Variants in METTL16 observed in about 807,000 individuals in gnomAD.
METTL16 encodes RNA N(6)-adenosine-methyltransferase METTL16.
METTL16 carries 19 observed loss-of-function variants against 57.9 expected under a neutral mutation model. The observed-to-expected ratio is 0.33, with a 90% CI of 0.23 to 0.48. The LOEUF (loss-of-function observed/expected upper bound fraction) is 0.48. METTL16 is among the 20% of genes least tolerant of loss of function. The pLI is 0.99. For synonymous variants in METTL16, 246 were observed against 255.6 expected (o/e 0.96, Z 0.36); for missense variants, 434 against 691.5 (o/e 0.63, Z 4.18).
At chr17:2,498,671 G>A (rs1230841113) in intron 2 of METTL16, among the ~76,000 whole-genome samples, 3 of 151,036 alleles carry the variant, frequency 2.0e-5, no homozygotes, top group Non-Finnish European at 4.4e-5. Context: ...CCCAGGAGGC[G>A]GAGGTTGCAG....
At chr17:2,451,634 AG>A in intron 6 of METTL16, among the ~76,000 whole-genome samples, 1 of 151,176 alleles carries the variant, frequency 6.6e-6, no homozygotes, top group East Asian at 2.1e-4. Context: ...AAAAAAAAAA[AG>A]AAAAGAAAAG....
intron 8 of METTL16, among the ~76,000 whole-genome samples, chr17:2,430,209 G>T (rs1483452938): frequency 6.7e-6 from 1 of 148,508 alleles, no homozygotes; most frequent in East Asian, 2.0e-4. Flanking sequence ...AACTACTGGG[G>T]TCAAGCGATC....
At chr17:2,487,840 C>T (rs2067354978) in intron 2 of METTL16, among the ~76,000 whole-genome samples, 1 of 150,854 alleles carries the variant, frequency 6.6e-6, no homozygotes, top group Non-Finnish European at 1.5e-5. Flanking sequence ...CCTGTCTCTA[C>T]AAAAAAAAAT....
Position 2,419,706 on chromosome 17 carries a change from C to T in METTL16, c.*264G>A. The T allele has an allele frequency of 1.6e-6, 1 of 633,178 alleles. No individual in the cohort carries two copies. The highest frequency in any genetic ancestry group is 2.9e-6 in the Non-Finnish European group (1 of 341,592). 39.2% of individuals were successfully genotyped at this position (633,178 alleles called of 1,614,324 possible). On this transcript the variant is annotated 3_prime_UTR_variant, in exon 10 of 10. Coordinates refer to ENST00000263092, the MANE Select transcript of METTL16 (RefSeq NM_024086.4). The stretch of plus-strand genomic sequence containing the variant: ...TGAGGGGCCAGCTTGAGCCAGCTTG[C>T]AATCCCTCGGGAGTTTACTGAGGGC...
At chr17:2,448,781 TAAA>T (rs1369462081) in intron 6 of METTL16, among the ~76,000 whole-genome samples, 87 of 33,678 alleles carry the variant, frequency 2.6e-3, no homozygotes, top group African/African-American at 8.1e-3. Flanking sequence ...AATAAAAAAA[TAAA>T]AAAATAAAAA....
chr17:2,503,481 C>T (rs1329456135), intron 1 of METTL16, among the ~76,000 whole-genome samples: 1 of 151,324 alleles, frequency 6.6e-6, no homozygotes, highest in East Asian at 1.9e-4. Context: ...TATGGGTCAA[C>T]AAAATACGGT....
intron 8 of METTL16, among the ~76,000 whole-genome samples, chr17:2,433,971 A>T (rs1280529659): frequency 6.6e-6 from 1 of 152,202 alleles, no homozygotes; most frequent in African/African-American, 2.4e-5. Context: ...TCTGCTGCAG[A>T]TCGGGATCAA....
rs559997928 is a variant in METTL16 at position 2,419,818 on chromosome 17, G to A, written c.*152C>T. On this transcript the variant is annotated 3_prime_UTR_variant, in exon 10 of 10. Transcript: ENST00000263092. ...AACTCAAAAAGCGGGAAGGAGGCGG[G>A]GGGAGGTGGGGGACAGATTCATAGG... The A allele has an allele frequency of 3.3e-6, 3 of 900,134 alleles. No homozygotes were observed. Among genetic ancestry groups the A allele is most frequent in the South Asian group, 2.9e-5 (2 of 67,980 alleles). The allele number at this position is 900,134 out of a possible 1,614,324, so 55.8% of individuals were successfully genotyped here.
At chr17:2,445,631 CAA>C (rs1414280499) in intron 6 of METTL16, among the ~76,000 whole-genome samples, 1 of 151,686 alleles carries the variant, frequency 6.6e-6, no homozygotes, top group Non-Finnish European at 1.5e-5. Flanking sequence ...ACTGAAAATA[CAA>C]AAATTAGACA....
intron 3 of METTL16, among the ~76,000 whole-genome samples, chr17:2,474,783 G>A (rs555340301): frequency 2.2e-4 from 33 of 152,266 alleles, no homozygotes; most frequent in Non-Finnish European, 4.4e-4. Flanking sequence ...AAAATTAGCT[G>A]GGCATGATGG....
intron 8 of METTL16, among the ~76,000 whole-genome samples, chr17:2,425,444 C>G (rs2151541767): frequency 6.6e-6 from 1 of 152,248 alleles, no homozygotes; most frequent in Middle Eastern, 3.4e-3. Context: ...TGAAGATGCA[C>G]TGCTGGAATT....
chr17:2,446,635 T>C (rs1428208828), intron 6 of METTL16, among the ~76,000 whole-genome samples: 18 of 146,280 alleles, frequency 1.2e-4, no homozygotes, highest in African/African-American at 3.8e-4. Flanking sequence ...CACGGTCTCC[T>C]TCCACGGTCT....
chr17:2,429,832 G>T (rs1420959917), intron 8 of METTL16, among the ~76,000 whole-genome samples: 1 of 151,168 alleles, frequency 6.6e-6, no homozygotes, highest in African/African-American at 2.4e-5. Context: ...TTTTTCTGAG[G>T]CGGAGTCTCG....
At chr17:2,424,900 A>G (rs1057277912) in intron 8 of METTL16, among the ~76,000 whole-genome samples, 1 of 151,930 alleles carries the variant, frequency 6.6e-6, no homozygotes, top group Non-Finnish European at 1.5e-5. Context: ...GCGAGCAGAG[A>G]TCGCGCCACT....
At chr17:2,449,405 C>T (rs1204651945) in intron 6 of METTL16, among the ~76,000 whole-genome samples, 5 of 152,096 alleles carry the variant, frequency 3.3e-5, no homozygotes, top group Non-Finnish European at 5.9e-5. Context: ...ACAGGGTATG[C>T]CTATGTTGCA....
At chr17:2,508,079 C>T (rs914193344) in intron 1 of METTL16, among the ~76,000 whole-genome samples, 13 of 150,912 alleles carry the variant, frequency 8.6e-5, no homozygotes, top group Admixed American at 8.6e-4. Flanking sequence ...TGTCCTGTGA[C>T]CCTGCCAAAT....
intron 3 of METTL16, 148 bp downstream of exon 3, chr17:2,477,538 G>A (rs912068555): frequency 6.2e-5 from 40 of 640,324 alleles, no homozygotes; most frequent in Admixed American, 1.4e-4. Flanking sequence ...GAAGCATTTC[G>A]GATTTTCGGA....
At chr17:2,447,353 C>G (rs1253273460) in intron 6 of METTL16, among the ~76,000 whole-genome samples, 1 of 139,434 alleles carries the variant, frequency 7.2e-6, no homozygotes, top group South Asian at 2.3e-4. Context: ...GCAACCGCCC[C>G]GTCTGAGAAG....
intron 6 of METTL16, among the ~76,000 whole-genome samples, chr17:2,462,117 G>A (rs536683473): frequency 1.3e-4 from 20 of 152,076 alleles, no homozygotes; most frequent in Non-Finnish European, 2.2e-4. Flanking sequence ...ATAGATGAAC[G>A]GATAAACGAA....
Sources: allele counts gnomAD v4.1 joint callset (sites outside exome capture counted in the v4.1 genomes callset), GRCh38; gene constraint gnomAD v4.1.1; transcripts MANE v1.5; gene names NCBI Gene and HGNC (gene_info 2026-07-23, HGNC 2026-07-21).